TBC1D32: variants seen among roughly 807,000 people sequenced by gnomAD.
TBC1D32 encodes TBC1 domain family member 32, also known as protein broad-minded.
In TBC1D32, 151 loss-of-function variants were observed where a neutral mutation model predicts 170.3. That is an observed-to-expected ratio of 0.89 (90% confidence interval 0.78 to 1.01). The LOEUF is 1.01. Ranked by LOEUF, TBC1D32 falls within the 50% of genes least tolerant of loss-of-function variation. The probability of loss-of-function intolerance (pLI) is 0.00; values close to 1 mark genes in which losing one functional copy is unlikely to be tolerated. For missense variants in TBC1D32, 1,464 were observed against 1,457.1 expected, an observed-to-expected ratio of 1.00 and a Z score of -0.08; for synonymous variants, 498 against 488.0, an observed-to-expected ratio of 1.02 and a Z score of -0.27.
intron 5 of TBC1D32, among the ~76,000 whole-genome samples, chr6:121,307,360 A>G (rs1350396305): frequency 9.2e-5 from 14 of 152,166 alleles, no homozygotes. Flanking sequence ...TGAGTGACAG[A>G]GCAAGACCCT....
intron 30 of TBC1D32, 33 bp downstream of exon 30, chr6:121,105,990 G>A (rs1340952385): frequency 6.4e-7 from 1 of 1,551,316 alleles, no homozygotes; most frequent in African/African-American, 1.4e-5. Flanking sequence ...TGAGATAAAG[G>A]AGTTGGAGAA....
chr6:121,113,851 C>A (rs7756653), intron 27 of TBC1D32, among the ~76,000 whole-genome samples: 3 of 151,986 alleles, frequency 2.0e-5, no homozygotes, highest in African/African-American at 7.3e-5. Context: ...ACTTTTGAAA[C>A]CTTACTAATA....
intron 24 of TBC1D32, among the ~76,000 whole-genome samples, chr6:121,137,646 T>C (rs1233702138): frequency 6.6e-6 from 1 of 151,888 alleles, no homozygotes; most frequent in African/African-American, 2.4e-5. Flanking sequence ...AATCTTTTTA[T>C]ATTTGGGGAT....
intron 29 of TBC1D32, among the ~76,000 whole-genome samples, chr6:121,108,481 C>A (rs1409978006): frequency 6.6e-6 from 1 of 151,940 alleles, no homozygotes; most frequent in East Asian, 1.9e-4. Context: ...CATTTAGCAT[C>A]ATCTAATTAA....
chr6:121,090,157 C>T (rs978381566), intron 31 of TBC1D32, among the ~76,000 whole-genome samples: 1 of 152,174 alleles, frequency 6.6e-6, no homozygotes, highest in Non-Finnish European at 1.5e-5. Context: ...TGGTCTCGAT[C>T]TCCTGACCTT....
intron 1 of TBC1D32, among the ~76,000 whole-genome samples, chr6:121,331,525 T>G (rs1014029114): frequency 4.4e-4 from 67 of 152,124 alleles, no homozygotes; most frequent in African/African-American, 1.6e-3. Context: ...CAGCCTCCCC[T>G]ATAAGTCTTT....
intron 15 of TBC1D32, among the ~76,000 whole-genome samples, chr6:121,264,967 G>T (rs534407021): frequency 2.0e-5 from 3 of 152,090 alleles, no homozygotes; most frequent in Non-Finnish European, 4.4e-5. Context: ...ATACTGAATG[G>T]ACAAAAGCTA....
At chr6:121,257,632 C>G (rs959724042) in intron 15 of TBC1D32, among the ~76,000 whole-genome samples, 1 of 152,168 alleles carries the variant, frequency 6.6e-6, no homozygotes, top group Non-Finnish European at 1.5e-5. Flanking sequence ...AATTTGCATA[C>G]TAACAAGTTG....
At chr6:121,221,429 T>G (rs1794504558) in intron 21 of TBC1D32, among the ~76,000 whole-genome samples, 2 of 152,202 alleles carry the variant, frequency 1.3e-5, no homozygotes, top group Admixed American at 1.3e-4. Context: ...TTTCAAATAT[T>G]TAAGAAATAT....
intron 17 of TBC1D32, among the ~76,000 whole-genome samples, chr6:121,242,922 G>C (rs899982348): frequency 6.6e-6 from 1 of 151,978 alleles, no homozygotes; most frequent in African/African-American, 2.4e-5. Flanking sequence ...TCAATGCTTA[G>C]TCCAAGTGTG....
chr6:121,299,373 A>G (rs1806121164), intron 10 of TBC1D32, 73 bp downstream of exon 10: 2 of 1,402,076 alleles, frequency 1.4e-6, no homozygotes, highest in Non-Finnish European at 1.9e-6. Flanking sequence ...ACAACTTTGC[A>G]TAGTCAAGTT....
intron 14 of TBC1D32, among the ~76,000 whole-genome samples, chr6:121,281,091 A>G (rs1802916594): frequency 6.6e-6 from 1 of 151,820 alleles, no homozygotes; most frequent in Non-Finnish European, 1.5e-5. Context: ...AGAGACATAC[A>G]TCTGTTCAAA....
At chr6:121,237,642 G>A (rs1317670124) in intron 20 of TBC1D32, among the ~76,000 whole-genome samples, 1 of 151,584 alleles carries the variant, frequency 6.6e-6, no homozygotes, top group East Asian at 1.9e-4. Flanking sequence ...ATCTGTGAAG[G>A]CCATGTAGAA....
chr6:121,112,621 C>G lies in TBC1D32; in HGVS notation c.3208G>C (p.Val1070Leu), dbSNP rs1384620669. 1.9e-6 allele frequency: 3 copies of G among 1,605,986 alleles called. No individual in the cohort carries two copies. In the South Asian group the frequency reaches 3.3e-5, roughly 18 times the overall value. Residue 1070 changes from valine to leucine, a missense_variant, in exon 29 of 32, where the codon GTA (valine) becomes CTA (leucine). Coordinates refer to ENST00000398212, the MANE Select transcript of TBC1D32 (RefSeq NM_152730.6). ...QGNYAGHDWF[V>L]SSLFMIMLGD... is the part of the protein sequence containing the mutation. ...AACATTATCATGAACAGAGAAGATACAAACCAGTCATGGCCAGCATAATTC... is the reference window on the plus strand; with the variant it reads ...AACATTATCATGAACAGAGAAGATAGAAACCAGTCATGGCCAGCATAATTC...
chr6:121,136,330 A>C (rs7752118), intron 24 of TBC1D32, among the ~76,000 whole-genome samples: 8,126 of 152,276 alleles, frequency 0.053, 520 homozygotes, highest in African/African-American at 0.16. Context: ...ATCCTATGTA[A>C]TTCTATTTGT....
At chr6:121,098,111 G>A (rs767258379) in intron 30 of TBC1D32, among the ~76,000 whole-genome samples, 6 of 151,384 alleles carry the variant, frequency 4.0e-5, no homozygotes, top group Non-Finnish European at 8.8e-5. Context: ...TGGGTTGATG[G>A]GTGCAACAAA....
chr6:121,085,424 C>T (rs557732518), intron 31 of TBC1D32, among the ~76,000 whole-genome samples: 69 of 148,382 alleles, frequency 4.7e-4, no homozygotes, highest in Middle Eastern at 3.6e-3. Context: ...ACATAACAAC[C>T]GGTAAGCAAT....
chr6:121,149,629 T>A (rs1468608660), intron 24 of TBC1D32, among the ~76,000 whole-genome samples: 3 of 152,246 alleles, frequency 2.0e-5, no homozygotes, highest in African/African-American at 7.2e-5. Context: ...TTTGTTTTGG[T>A]ACCAGTACCA....
At chr6:121,238,281 G>A (rs1796555733) in intron 20 of TBC1D32, among the ~76,000 whole-genome samples, 1 of 152,064 alleles carries the variant, frequency 6.6e-6, no homozygotes, top group South Asian at 2.1e-4. Flanking sequence ...AGAATCTCAA[G>A]AAATACCACT....
Sources: allele counts gnomAD v4.1 joint callset (sites outside exome capture counted in the v4.1 genomes callset), GRCh38; gene constraint gnomAD v4.1.1; transcripts MANE v1.5; gene names NCBI Gene and HGNC (gene_info 2026-07-23, HGNC 2026-07-21).